Variants in SLC39A11 observed in about 807,000 individuals in gnomAD.
SLC39A11 encodes the protein solute carrier family 39 member 11, also known as zinc transporter ZIP11.
Under a neutral mutation model 36.1 loss-of-function variants are expected in SLC39A11, and 33 were observed. That is an observed-to-expected ratio of 0.91 (90% CI 0.69 to 1.22). SLC39A11 has a LOEUF of 1.22. Among genes scored for constraint, SLC39A11 ranks in the 50% most tolerant of loss-of-function variants. The pLI is 0.00. For missense variants in SLC39A11, 432 were observed against 430.3 expected, an observed-to-expected ratio of 1.00 and a Z score of -0.03; for synonymous variants, 166 against 170.3, an observed-to-expected ratio of 0.97 and a Z score of 0.20.
At chr17:72,969,559 C>G (rs2087275401) in intron 4 of SLC39A11, among the ~76,000 whole-genome samples, 1 of 151,696 alleles carries the variant, frequency 6.6e-6, no homozygotes, top group Non-Finnish European at 1.5e-5. Context: ...TCCCTCCTCT[C>G]TCGCATCCTC....
intron 5 of SLC39A11, among the ~76,000 whole-genome samples, chr17:72,929,518 C>T (rs553288056): frequency 6.6e-6 from 1 of 152,222 alleles, no homozygotes; most frequent in African/African-American, 2.4e-5. Context: ...AGCCACTTCA[C>T]GGAGTCTACA....
At chr17:72,751,817 TCTGC>T (rs2075167102) in intron 6 of SLC39A11, among the ~76,000 whole-genome samples, 1 of 152,134 alleles carries the variant, frequency 6.6e-6, no homozygotes, top group African/African-American at 2.4e-5. Context: ...CCTCGAGTGA[TCTGC>T]CTGCCTTGGC....
intron 6 of SLC39A11, 36 bp downstream of exon 6, chr17:72,849,598 A>T (rs758786197): frequency 1.5e-5 from 22 of 1,473,296 alleles, no homozygotes; most frequent in Middle Eastern, 1.9e-4. Context: ...CTTTACCTTC[A>T]GGCAGTGGCT....
intron 4 of SLC39A11, among the ~76,000 whole-genome samples, chr17:73,006,329 C>G (rs945109046): frequency 6.6e-6 from 1 of 152,118 alleles, no homozygotes; most frequent in Admixed American, 6.6e-5. Context: ...AAAGAACTGG[C>G]CTTAATGGAT....
intron 4 of SLC39A11, among the ~76,000 whole-genome samples, chr17:72,980,530 T>C (rs185432571): frequency 6.6e-6 from 1 of 152,326 alleles, no homozygotes; most frequent in East Asian, 1.9e-4. Flanking sequence ...ACCTAGACGA[T>C]GTTCTTGAAA....
chr17:73,048,791 T>C (rs2059402024), intron 3 of SLC39A11, among the ~76,000 whole-genome samples: 1 of 152,210 alleles, frequency 6.6e-6, no homozygotes, highest in Non-Finnish European at 1.5e-5. Context: ...TTATTATGTC[T>C]CTATTCTTAC....
At chr17:72,803,288 C>T (rs142445507) in intron 6 of SLC39A11, among the ~76,000 whole-genome samples, 1,615 of 152,368 alleles carry the variant, frequency 0.011, 21 homozygotes, top group African/African-American at 0.036. Context: ...GGGCCACACA[C>T]TTCATCCAGC....
chr17:72,899,506 A>T (rs1298627921), intron 5 of SLC39A11, among the ~76,000 whole-genome samples: 1 of 152,094 alleles, frequency 6.6e-6, no homozygotes, highest in Non-Finnish European at 1.5e-5. Context: ...GGCCTGTCTC[A>T]TTTCCCCTCA....
intron 7 of SLC39A11, among the ~76,000 whole-genome samples, chr17:72,724,516 G>A (rs2143659973): frequency 6.6e-6 from 1 of 152,178 alleles, no homozygotes; most frequent in South Asian, 2.1e-4. Context: ...AGACATCCTG[G>A]ATGTTCCCTC....
chr17:72,955,688 C>A (rs915918717), intron 4 of SLC39A11, among the ~76,000 whole-genome samples: 1 of 151,856 alleles, frequency 6.6e-6, no homozygotes, highest in Non-Finnish European at 1.5e-5. Context: ...CTGTCAGGGC[C>A]CAGCACACGG....
At chr17:72,809,758 T>C (rs2077376120) in intron 6 of SLC39A11, among the ~76,000 whole-genome samples, 1 of 152,158 alleles carries the variant, frequency 6.6e-6, no homozygotes, top group African/African-American at 2.4e-5. Context: ...TCAGATTTTG[T>C]TTGTTTGTTT....
At chr17:72,923,569 CCAGCAGTAACA>C (rs1182241146) in intron 5 of SLC39A11, among the ~76,000 whole-genome samples, 1 of 152,190 alleles carries the variant, frequency 6.6e-6, no homozygotes, top group Non-Finnish European at 1.5e-5. Flanking sequence ...GACCCGTGAT[CCAGCAGTAACA>C]CATTTAGTAA....
intron 7 of SLC39A11, among the ~76,000 whole-genome samples, chr17:72,698,817 T>C (rs1199629292): frequency 6.6e-6 from 1 of 151,448 alleles, no homozygotes; most frequent in Non-Finnish European, 1.5e-5. Flanking sequence ...AGCTCTGGGG[T>C]GTGGAGGTTG....
intron 7 of SLC39A11, among the ~76,000 whole-genome samples, chr17:72,720,068 C>T (rs1279362558): frequency 2.6e-5 from 4 of 152,196 alleles, no homozygotes; most frequent in Non-Finnish European, 5.9e-5. Flanking sequence ...ACACCCCTAG[C>T]ACAGAGCTGA....
intron 4 of SLC39A11, among the ~76,000 whole-genome samples, chr17:72,993,591 C>G (rs1319665389): frequency 6.6e-6 from 1 of 152,124 alleles, no homozygotes; most frequent in Non-Finnish European, 1.5e-5. Context: ...CTAATCAATC[C>G]TTTTCCCACT....
At chr17:73,007,926 A>C (rs368126030) in intron 4 of SLC39A11, among the ~76,000 whole-genome samples, 4 of 152,192 alleles carry the variant, frequency 2.6e-5, no homozygotes, top group African/African-American at 7.2e-5. Flanking sequence ...AACATGGTGA[A>C]ACCCCATCTC....
chr17:72,700,639 G>C (rs1178623642), intron 7 of SLC39A11, among the ~76,000 whole-genome samples: 1 of 152,190 alleles, frequency 6.6e-6, no homozygotes, highest in Admixed American at 6.5e-5. Context: ...CTGTGTATTA[G>C]TCCGTTTTCA....
At chr17:72,847,155 C>T (rs1821108) in intron 6 of SLC39A11, among the ~76,000 whole-genome samples, 125,927 of 152,164 alleles carry the variant, frequency 0.83, 53,138 homozygotes, top group East Asian at 0.96. Context: ...GTAATCCCAG[C>T]ACTTTGAGAG....
chr17:72,827,085 T>C (rs4793489), intron 6 of SLC39A11, among the ~76,000 whole-genome samples: 55,246 of 152,116 alleles, frequency 0.36, 11,778 homozygotes, highest in Non-Finnish European at 0.47. Context: ...AGTCCAACAG[T>C]AGATATAACC....
Sources: gnomAD v4.1 joint callset for allele counts (sites outside exome capture counted in the v4.1 genomes callset) on GRCh38, gnomAD v4.1.1 for gene constraint, MANE v1.5 for transcripts, NCBI Gene and HGNC (gene_info 2026-07-23, HGNC 2026-07-21) for gene names.